Variants in COL22A1 observed in about 807,000 individuals in gnomAD.
COL22A1 encodes collagen alpha-1(XXII) chain.
A neutral mutation model predicts 248.9 loss-of-function variants in COL22A1; 221 were observed. The observed-to-expected ratio is 0.89, with a 90% CI of 0.80 to 0.99. COL22A1 has a LOEUF of 0.99. Ranked by LOEUF, COL22A1 falls within the 50% of genes least tolerant of loss-of-function variation. The pLI, the probability that COL22A1 is intolerant of heterozygous loss-of-function variation, is 0.00. For synonymous variants in COL22A1, 891 were observed against 793.4 expected (o/e 1.12, Z -2.07); for missense variants, 2,240 against 2,179.0 (o/e 1.03, Z -0.56).
chr8:138,882,505 G>C (rs1254074332), intron 2 of COL22A1, among the ~76,000 whole-genome samples: 1 of 133,060 alleles, frequency 7.5e-6, no homozygotes, highest in African/African-American at 3.0e-5. Context: ...CACACACTTC[G>C]TCAAACACAC....
In COL22A1 at chr8:138,715,539, C is replaced by T. The variant is rs114697591; in HGVS notation, c.2517+143G>A. Reference sequence around the variant, plus strand: ...AGACGAGATCATGCCACTGCACTCCCGCTTGGATGACAGAGAGAGACTCTC... The same window carrying T: ...AGACGAGATCATGCCACTGCACTCCTGCTTGGATGACAGAGAGAGACTCTC... On this transcript the variant is annotated intron_variant, in intron 30 of 64. Transcript: ENST00000303045. 2,019 of 630,930 alleles carry T rather than the reference C, an allele frequency of 3.2e-3. 32 individuals are homozygous for T. The African/African-American group carries it at 0.035, about 11-fold the overall frequency. The allele number at this position is 630,930 out of a possible 1,614,324, so 39.1% of individuals were successfully genotyped here.
intron 50 of COL22A1, among the ~76,000 whole-genome samples, chr8:138,627,486 G>A (rs10094167): frequency 0.72 from 109,775 of 152,158 alleles, 42,260 homozygotes; most frequent in Middle Eastern, 0.86. Context: ...CAGGTGAGGA[G>A]AGCATGGTCC....
chr8:138,760,237 G>T lies in COL22A1; in HGVS notation c.1902+6C>A. 2 of 1,570,286 alleles carry T rather than the reference G, an allele frequency of 1.3e-6. No homozygotes were observed. The highest frequency in any genetic ancestry group is 1.7e-6 in the Non-Finnish European group (2 of 1,157,516). ...CAGAGCCCTTGACAGCCCCAGGCTC[G>T]CTCACCTTTTCTCCCTGGGGTCCTG... is the stretch of plus-strand genomic sequence containing the variant. On this transcript the variant is annotated splice_donor_region_variant and intron_variant, in intron 18 of 64. Coordinates refer to ENST00000303045, the MANE Select transcript of COL22A1 (RefSeq NM_152888.3).
intron 30 of COL22A1, among the ~76,000 whole-genome samples, chr8:138,711,444 T>G (rs1483703550): frequency 1.3e-5 from 2 of 152,244 alleles, no homozygotes; most frequent in African/African-American, 4.8e-5. Flanking sequence ...AGCTTGAATG[T>G]GACTGCCATG....
chr8:138,742,606 G>GATGGTA (rs1831704702), intron 22 of COL22A1, among the ~76,000 whole-genome samples: 1 of 152,080 alleles, frequency 6.6e-6, no homozygotes, highest in Non-Finnish European at 1.5e-5. Context: ...TGGTGATGGT[G>GATGGTA]GAGTTGAGGG....
At chr8:138,822,018 T>C (rs1819181699) in intron 6 of COL22A1, among the ~76,000 whole-genome samples, 1 of 149,200 alleles carries the variant, frequency 6.7e-6, no homozygotes, top group Admixed American at 6.9e-5. Context: ...AAGATTTTAC[T>C]GTTTTACTTC....
intron 41 of COL22A1, among the ~76,000 whole-genome samples, chr8:138,672,949 C>G: frequency 6.6e-6 from 1 of 152,262 alleles, no homozygotes; most frequent in East Asian, 1.9e-4. Context: ...ATTTTGTAAG[C>G]AACTTAAACA....
At chr8:138,687,946 C>T (rs1438406516) in intron 37 of COL22A1, among the ~76,000 whole-genome samples, 1 of 152,174 alleles carries the variant, frequency 6.6e-6, no homozygotes, top group Non-Finnish European at 1.5e-5. Flanking sequence ...TGGGTAAAAA[C>T]CCCCTGTTGA....
intron 32 of COL22A1, among the ~76,000 whole-genome samples, chr8:138,695,988 T>C (rs1827476506): frequency 6.6e-6 from 1 of 152,096 alleles, no homozygotes; most frequent in Non-Finnish European, 1.5e-5. Context: ...ATTGGCCATA[T>C]AAACTTGGGC....
At chr8:138,755,868 T>C in intron 18 of COL22A1, 39 bp from the exon 19 acceptor site, 3 of 1,588,476 alleles carry the variant, frequency 1.9e-6, no homozygotes, top group Non-Finnish European at 2.6e-6. Context: ...TAGTTACTGG[T>C]GCCACCTTCT....
chr8:138,866,842 T>A (rs1822933309), intron 3 of COL22A1, among the ~76,000 whole-genome samples: 1 of 152,194 alleles, frequency 6.6e-6, no homozygotes, highest in South Asian at 2.1e-4. Flanking sequence ...TATCTTTCAT[T>A]AGATGTCACA....
Position 138,735,243 on chromosome 8 carries a change from A to T in COL22A1, c.2139+2281T>A, listed in dbSNP as rs138380976. On this transcript the variant is annotated intron_variant, in intron 23 of 64. Transcript: ENST00000303045. ...CTTAGCGTAAGAGTGGCTGACCTGA[A>T]CACAGCTTCGATTCCATCAGGCAGT... 1.8e-3 allele frequency among the ~76,000 whole-genome samples: 277 copies of T among 152,310 alleles called. 1 individual carries two copies. Among genetic ancestry groups the T allele is most frequent in the African/African-American group, 6.4e-3 (268 of 41,578 alleles).
At chr8:138,890,219 TA>T (rs1824956252) in intron 1 of COL22A1, among the ~76,000 whole-genome samples, 1 of 152,004 alleles carries the variant, frequency 6.6e-6, no homozygotes, top group Admixed American at 6.5e-5. Context: ...AATAAGACTA[TA>T]AAAAAACTTC....
chr8:138,847,882 C>T (rs1245340550), intron 3 of COL22A1, among the ~76,000 whole-genome samples: 1 of 151,922 alleles, frequency 6.6e-6, no homozygotes, highest in Non-Finnish European at 1.5e-5. Context: ...TCCAAATTTG[C>T]ATGCATTTCC....
chr8:138,820,129 TAAAGA>T (rs1005176506), intron 7 of COL22A1, among the ~76,000 whole-genome samples: 7 of 151,998 alleles, frequency 4.6e-5, no homozygotes, highest in African/African-American at 1.7e-4. Flanking sequence ...TGATTTTGAG[TAAAGA>T]AAACAAAAAA....
chr8:138,864,692 C>T (rs747378485), intron 3 of COL22A1, among the ~76,000 whole-genome samples: 1 of 152,176 alleles, frequency 6.6e-6, no homozygotes, highest in Non-Finnish European at 1.5e-5. Context: ...AGTGCAGAGC[C>T]AGATCTGGCC....
At chr8:138,630,276 G>C (rs1564117609) in intron 50 of COL22A1, among the ~76,000 whole-genome samples, 1 of 152,140 alleles carries the variant, frequency 6.6e-6, no homozygotes, top group African/African-American at 2.4e-5. Flanking sequence ...GAACAGTTGG[G>C]ATAACAATAG....
At chr8:138,613,943 G>A in intron 55 of COL22A1, 23 bp from the exon 56 acceptor site, 3 of 1,583,560 alleles carry the variant, frequency 1.9e-6, no homozygotes, top group Non-Finnish European at 2.6e-6. Context: ...CAGAGAGATG[G>A]TGTCATCATC....
At chr8:138,779,454 A>C in intron 14 of COL22A1, 55 bp downstream of exon 14, 8 of 1,301,494 alleles carry the variant, frequency 6.1e-6, no homozygotes, top group Non-Finnish European at 7.8e-6. Flanking sequence ...CTGGCTTTGC[A>C]CTGGGCCTTG....
Sources: allele counts gnomAD v4.1 joint callset (sites outside exome capture counted in the v4.1 genomes callset), GRCh38; gene constraint gnomAD v4.1.1; transcripts MANE v1.5; gene names NCBI Gene and HGNC (gene_info 2026-07-23, HGNC 2026-07-21).